IARS1: variants seen among roughly 807,000 people sequenced by gnomAD.
IARS1 encodes the protein isoleucyl-tRNA synthetase 1, also known as isoleucine--tRNA ligase, cytoplasmic.
IARS1 carries 124 observed loss-of-function variants against 168.2 expected under a neutral mutation model. That is an observed-to-expected ratio of 0.74 (90% CI 0.64 to 0.86). The LOEUF (loss-of-function observed/expected upper bound fraction) is 0.86, where lower values mean the gene tolerates loss of function less well. Ranked by LOEUF, IARS1 falls within the 40% of genes least tolerant of loss-of-function variation. The pLI is 0.00. For missense variants in IARS1, 1,452 were observed against 1,515.8 expected (o/e 0.96, Z 0.70); for synonymous variants, 532 against 529.4 (o/e 1.00, Z -0.07).
intron 16 of IARS1, 72 bp downstream of exon 16, chr9:92,264,857 G>A (rs1176932299): frequency 9.9e-6 from 13 of 1,311,614 alleles, no homozygotes; most frequent in Admixed American, 2.2e-5. Context: ...ATAAATGGCA[G>A]TGACTTAGTA....
rs1826181885 is a variant in IARS1, at chr9:92,228,918, T to C, written c.3409+83A>G. On this transcript the variant is annotated intron_variant, in intron 31 of 33. Transcript: ENST00000443024. ...AGAGTTAGGAAAAATGCAAAAGTTGTATAGTACAACTGACAGCAAATTAAG... is the reference window on the plus strand; with the variant it reads ...AGAGTTAGGAAAAATGCAAAAGTTGCATAGTACAACTGACAGCAAATTAAG... 3 of 1,530,326 alleles carry C rather than the reference T, an allele frequency of 2.0e-6. No individual in the cohort carries two copies. In the South Asian group the frequency reaches 3.5e-5, roughly 18 times the overall value. The allele number at this position is 1,530,326 out of a possible 1,614,324, so 94.8% of individuals were successfully genotyped here.
Position 92,271,559 on chromosome 9 carries a change from T to C in IARS1, c.1087A>G (p.Thr363Ala), listed in dbSNP as rs1833032083. 2 of 1,613,990 alleles carry C rather than the reference T, an allele frequency of 1.2e-6. No homozygotes were observed. The highest frequency in any genetic ancestry group is 1.3e-5 in the African/African-American group (1 of 74,932). The stretch of plus-strand genomic sequence containing the variant: ...TTCACATACTGTCCTGCGAAATCTG[T>C]CACCTCCGTTGTGAAGCAGCCTGAA... ...DASGCFTTEV[T>A]DFAGQYVKDA... is the part of the protein sequence containing the mutation. Residue 363 changes from threonine (T) to alanine (A), a missense_variant, in exon 11 of 34, where the codon ACA (threonine) becomes GCA (alanine). Coordinates refer to ENST00000443024, the MANE Select transcript of IARS1 (RefSeq NM_002161.6).
intron 31 of IARS1, among the ~76,000 whole-genome samples, chr9:92,225,463 A>G (rs1825523795): frequency 6.6e-6 from 1 of 152,204 alleles, no homozygotes; most frequent in Non-Finnish European, 1.5e-5. Context: ...TGTATGGCTC[A>G]GCTAGAAGAG....
chr9:92,211,424 T>C (rs1837744390), intron 33 of IARS1, among the ~76,000 whole-genome samples: 1 of 152,172 alleles, frequency 6.6e-6, no homozygotes, highest in Non-Finnish European at 1.5e-5. Context: ...ATGAGTGTAA[T>C]ACCTTTTAGT....
At chr9:92,240,513 G>A (rs181023059) in intron 30 of IARS1, 248 of 590,138 alleles carry the variant, frequency 4.2e-4, no homozygotes, top group Non-Finnish European at 4.0e-4. Context: ...ACCAGCCTCC[G>A]CCTTCCAAAG....
intron 6 of IARS1, among the ~76,000 whole-genome samples, chr9:92,282,396 A>G (rs10119626): frequency 0.36 from 54,354 of 151,644 alleles, 12,987 homozygotes; most frequent in African/African-American, 0.68. Context: ...CCCACCTCCC[A>G]GGTTCAAGCA....
Position 92,277,872 on chromosome 9 carries a change from A to G in IARS1, c.885T>C (p.Tyr295=), listed in dbSNP as rs747557124. Residue 295 remains tyrosine (Y), a synonymous_variant, in exon 9 of 34, where the codon TAT becomes TAC. Coordinates refer to ENST00000443024, the MANE Select transcript of IARS1 (RefSeq NM_002161.6). The part of the protein sequence containing the change: ...KGKKYRPLFD[Y]FLKCKENGAF... Reference sequence around the variant, plus strand: ...CGGTCCCTAAGCTTACCTTCAGGAAATAGTCAAACAGGGGCCTGTACTTCT... The same window carrying G: ...CGGTCCCTAAGCTTACCTTCAGGAAGTAGTCAAACAGGGGCCTGTACTTCT... The G allele has an allele frequency of 6.2e-7, 1 of 1,613,890 alleles. No individual in the cohort carries two copies. Among genetic ancestry groups the G allele is most frequent in the Non-Finnish European group, 8.5e-7 (1 of 1,179,888 alleles).
At position 92,241,902 on chromosome 9, in the gene IARS1, G is replaced by A. The variant is rs377753709; in HGVS notation, c.3177+252C>T. ...AGAAAAAACAGGCCATTTTATTTCC[G>A]GGCAAAGCTCATGTACCCTCCTGGC... On this transcript the variant is annotated intron_variant, in intron 29 of 33. Transcript: ENST00000443024. 4.6e-5 allele frequency among the ~76,000 whole-genome samples: 7 copies of A among 152,078 alleles called. No individual in the cohort carries two copies. In the East Asian group the frequency reaches 5.8e-4, roughly 13 times the overall value.
intron 31 of IARS1, 26 bp downstream of exon 31, chr9:92,228,975 G>A (rs765378613): frequency 4.0e-5 from 64 of 1,613,084 alleles, no homozygotes; most frequent in South Asian, 3.0e-4. Flanking sequence ...GTCAAAGGAC[G>A]TAGGCTCCTC....
chr9:92,245,966 CG>C (rs1214848910), intron 26 of IARS1, among the ~76,000 whole-genome samples: 1 of 151,864 alleles, frequency 6.6e-6, no homozygotes, highest in Admixed American at 6.6e-5. Context: ...TTAGCAGAGA[CG>C]GGGTTTCACC....
In IARS1 at chr9:92,274,557, C is replaced by T. The variant is rs780552734; in HGVS notation, c.895-36G>A. The stretch of plus-strand genomic sequence containing the variant: ...AGGACAGCAGGCTTCAGGGATGAAA[C>T]ATTACTGTGTTACAACGTTAACTTT... On this transcript the variant is annotated intron_variant, in intron 9 of 33. Transcript: ENST00000443024. The T allele has an allele frequency of 4.2e-6, 6 of 1,433,502 alleles. No individual in the cohort carries two copies. The East Asian group carries it at 9.1e-5, about 22-fold the overall frequency. 88.8% of individuals were successfully genotyped at this position (1,433,502 alleles called of 1,614,324 possible). A position where few individuals can be genotyped will look rare whatever the true frequency, so the allele number is the denominator to read the frequency against.
At chr9:92,285,521 GA>G (rs1004649625) in intron 6 of IARS1, among the ~76,000 whole-genome samples, 200 bp downstream of exon 6, 2 of 151,758 alleles carry the variant, frequency 1.3e-5, no homozygotes, top group Non-Finnish European at 2.9e-5. Context: ...ATCCAATGTG[GA>G]AAAAAAATCC....
At chr9:92,258,626 T>C (rs868031735) in intron 19 of IARS1, among the ~76,000 whole-genome samples, 1 of 152,076 alleles carries the variant, frequency 6.6e-6, no homozygotes, top group South Asian at 2.1e-4. Context: ...TAAACAACTA[T>C]ATGACATAAC....
chr9:92,268,809 G>A (rs1832643452), intron 13 of IARS1, among the ~76,000 whole-genome samples: 1 of 151,920 alleles, frequency 6.6e-6, no homozygotes, highest in African/African-American at 2.4e-5. Flanking sequence ...CTTTGCCCAT[G>A]CCTGCCCTCT....
At chr9:92,242,598 C>G (rs1214082953) in intron 28 of IARS1, 6 of 411,110 alleles carry the variant, frequency 1.5e-5, no homozygotes, top group Non-Finnish European at 2.6e-5. Flanking sequence ...CAAGAAATTA[C>G]TTAGAACCCA....
intron 33 of IARS1, among the ~76,000 whole-genome samples, 165 bp from the exon 34 acceptor site, chr9:92,211,054 C>G (rs1837663004): frequency 1.3e-5 from 2 of 152,180 alleles, no homozygotes; most frequent in Admixed American, 1.3e-4. Context: ...TTGGAATTTC[C>G]TGGTAGGAAT....
At chr9:92,282,581 G>C (rs962586238) in intron 6 of IARS1, among the ~76,000 whole-genome samples, 1 of 151,802 alleles carries the variant, frequency 6.6e-6, no homozygotes, top group African/African-American at 2.4e-5. Context: ...GACCAGCTGG[G>C]GCAATATGGT....
intron 8 of IARS1, 122 bp downstream of exon 8, chr9:92,278,077 G>T: frequency 1.9e-6 from 2 of 1,046,870 alleles, no homozygotes; most frequent in Non-Finnish European, 2.9e-6. Flanking sequence ...TATAGTATTA[G>T]TACTTAAAAC....
At chr9:92,256,254 G>C (rs1192332553) in intron 20 of IARS1, 1 of 151,502 alleles carries the variant, frequency 6.6e-6, no homozygotes, top group East Asian at 1.9e-4. Flanking sequence ...ACTTACTGCA[G>C]CCTCCGCCTC....
Sources: allele counts gnomAD v4.1 joint callset (sites outside exome capture counted in the v4.1 genomes callset), GRCh38; gene constraint gnomAD v4.1.1; transcripts MANE v1.5; gene names NCBI Gene and HGNC (gene_info 2026-07-23, HGNC 2026-07-21).